Variants in PHACTR2 observed in about 807,000 individuals in gnomAD.
PHACTR2 encodes the protein chromosome 6 open reading frame 56.
Under a neutral mutation model 76.0 loss-of-function variants are expected in PHACTR2, and 30 were observed. The observed-to-expected ratio is 0.39, with a 90% CI of 0.30 to 0.54. PHACTR2 has a LOEUF of 0.54. Ranked by LOEUF, PHACTR2 falls within the 20% of genes least tolerant of loss-of-function variation. PHACTR2 has a pLI of 0.61. For synonymous variants in PHACTR2, 292 were observed against 292.5 expected, an observed-to-expected ratio of 1.00 and a Z score of 0.02; for missense variants, 696 against 781.1, an observed-to-expected ratio of 0.89 and a Z score of 1.30.
rs1373894506 is a variant in PHACTR2 at position 143,589,012 on chromosome 6, CT to C, written c.217+51806del. On this transcript the variant is annotated intron_variant, in intron 1 of 11. Coordinates refer to the PHACTR2 transcript ENST00000367584. This position sits in a 1 kb window ranked among gnomAD's most constrained non-coding sequence, Gnocchi z 4.4. ...TTCAACCTTCAAGGAACAAATCACT[CT>C]CATCGTATGAGTTTGCTAGAGCTGC... 2.0e-5 allele frequency among the ~76,000 whole-genome samples: 3 copies of C among 152,228 alleles called. 1 individual carries two copies. Among genetic ancestry groups the C allele is most frequent in the Admixed American group, 1.3e-4 (2 of 15,284 alleles).
At position 143,736,831 on chromosome 6, in the gene PHACTR2, C is replaced by T. The variant is rs187885461; in HGVS notation, c.215-12154C>T. ...CCTCGTGATCCGCCCGCCTCGGCCT[C>T]CCAAAGTGCTGGGATTACTGGCGTG... On this transcript the variant is annotated intron_variant, in intron 2 of 12. Transcript: ENST00000440869. 9.0e-4 allele frequency among the ~76,000 whole-genome samples: 137 copies of T among 151,832 alleles called. 1 individual carries two copies. Among genetic ancestry groups the T allele is most frequent in the South Asian group, 5.0e-3 (24 of 4,802 alleles).
upstream of PHACTR2, among the ~76,000 whole-genome samples, chr6:143,607,957 C>T (rs1319153986): frequency 6.6e-6 from 1 of 152,204 alleles, no homozygotes; most frequent in Non-Finnish European, 1.5e-5. Flanking sequence ...TTGGAAAGCT[C>T]TGTGTTTTGC....
chr6:143,782,645 G>C lies in PHACTR2; in HGVS notation c.1646-574G>C, dbSNP rs576813964. On this transcript the variant is annotated intron_variant, in intron 9 of 12. Transcript: ENST00000440869. The surrounding 1 kb of genome is among the most constrained non-coding windows in gnomAD (Gnocchi z 4.6). ...CCAGAGTACATCATAACCTCATTTA[G>C]AACATTCTGGTTTGAAAGCAAAGTC... is the stretch of plus-strand genomic sequence containing the variant. Among the ~76,000 whole-genome samples the C allele has an allele frequency of 6.6e-6, 1 of 152,254 alleles. No individual in the cohort carries two copies. The highest frequency in any genetic ancestry group is 2.1e-4 in the South Asian group (1 of 4,832).
intron 11 of PHACTR2, among the ~76,000 whole-genome samples, chr6:143,802,276 C>T (rs1405584459): frequency 6.6e-6 from 1 of 152,052 alleles, no homozygotes; most frequent in Non-Finnish European, 1.5e-5. Context: ...GGTTGTACAA[C>T]CCAGCACCAT....
At chr6:143,577,196 C>T (rs1241959383) in intron 1 of PHACTR2, among the ~76,000 whole-genome samples, 1 of 152,150 alleles carries the variant, frequency 6.6e-6, no homozygotes, top group Admixed American at 6.5e-5. Context: ...AGGGAAGATT[C>T]AGTCTTTTAA....
At position 143,690,299 on chromosome 6, in the gene PHACTR2, TCTGAGCCCA is replaced by T. The variant is rs1777615523; in HGVS notation, c.46+12094_46+12102del. ...CTCTTCCCATGTGGACTGGATTTTCTCTGAGCCCACTGTCCAGCTGTTGTCTTGGGATCT... is the reference window on the plus strand; with the variant it reads ...CTCTTCCCATGTGGACTGGATTTTCTCTGTCCAGCTGTTGTCTTGGGATCT... On this transcript the variant is annotated intron_variant, in intron 1 of 12. Transcript: ENST00000440869. Among the ~76,000 whole-genome samples, 2 of 152,234 alleles carry T rather than the reference TCTGAGCCCA, an allele frequency of 1.3e-5. 1 individual carries two copies. The highest frequency in any genetic ancestry group is 4.1e-4 in the South Asian group (2 of 4,830).
intron 1 of PHACTR2, among the ~76,000 whole-genome samples, chr6:143,567,464 T>A (rs1775379382): frequency 1.3e-5 from 2 of 152,206 alleles, no homozygotes; most frequent in Non-Finnish European, 2.9e-5. Flanking sequence ...AGTGGCATGA[T>A]CTCAGCTCAC....
intron 1 of PHACTR2, among the ~76,000 whole-genome samples, chr6:143,560,882 GGTGTGT>G (rs36070460): frequency 0.035 from 4,671 of 132,958 alleles, 91 homozygotes; most frequent in South Asian, 0.058. Flanking sequence ...AAAGCAGAGG[GGTGTGT>G]GTGTGTGTGT....
chr6:143,582,587 A>T (rs1157870747), intron 1 of PHACTR2, among the ~76,000 whole-genome samples: 1 of 152,214 alleles, frequency 6.6e-6, no homozygotes, highest in Non-Finnish European at 1.5e-5. Flanking sequence ...TTAAAAAAAA[A>T]ACTTGGGAAC....
In PHACTR2 at chr6:143,616,041, G is replaced by A. The variant is rs142369199; in HGVS notation, c.13+7719G>A. Among the ~76,000 whole-genome samples the A allele has an allele frequency of 3.9e-5, 6 of 152,288 alleles. No homozygotes were observed. The East Asian group carries it at 1.2e-3, about 29-fold the overall frequency. On this transcript the variant is annotated intron_variant, in intron 1 of 11. Coordinates refer to the PHACTR2 transcript ENST00000305766. The surrounding 1 kb of genome is among the most constrained non-coding windows in gnomAD (Gnocchi z 4.9). ...CATAGTTTCAAAGTTTCAGTTTCAG[G>A]TTTCAGAGCTATGGTTTCAAAGTTT...
rs1443559244 is a variant in PHACTR2, at chr6:143,787,930, G to A, written c.1708-843G>A. 6.6e-6 allele frequency among the ~76,000 whole-genome samples: 1 copy of A among 152,112 alleles called. No homozygotes were observed. The highest frequency in any genetic ancestry group is 1.5e-5 in the Non-Finnish European group (1 of 68,036). Reference sequence around the variant, plus strand: ...ACTGTGATACCACCCAACTAAGAAAGACCAAAATGGGAGTGAACCTCCGTA... The same window carrying A: ...ACTGTGATACCACCCAACTAAGAAAAACCAAAATGGGAGTGAACCTCCGTA... On this transcript the variant is annotated intron_variant, in intron 10 of 12. Coordinates refer to ENST00000440869, the MANE Select transcript of PHACTR2 (RefSeq NM_001100164.2). This position sits in a 1 kb window ranked among gnomAD's most constrained non-coding sequence, Gnocchi z 4.6.
chr6:143,789,980 C>T lies in PHACTR2; in HGVS notation c.1845+1070C>T, dbSNP rs756119656. On this transcript the variant is annotated intron_variant, in intron 11 of 12. Coordinates refer to ENST00000440869, the MANE Select transcript of PHACTR2 (RefSeq NM_001100164.2). The surrounding 1 kb of genome is among the most constrained non-coding windows in gnomAD (Gnocchi z 5.1). ...CAGAAGAATATTGAGAAGAAATGTC[C>T]GTGAAGTGGGGAAAGAGGAGAAGCT... Among the ~76,000 whole-genome samples the T allele has an allele frequency of 1.6e-4, 24 of 152,032 alleles. No individual in the cohort carries two copies. The highest frequency in any genetic ancestry group is 3.4e-4 in the African/African-American group (14 of 41,386).
At chr6:143,676,044 C>G (rs562523374), upstream of PHACTR2, among the ~76,000 whole-genome samples, 1 of 152,244 alleles carries the variant, frequency 6.6e-6, no homozygotes, top group East Asian at 1.9e-4. The surrounding 1 kb of genome is among the most constrained non-coding windows in gnomAD (Gnocchi z 4.8). Flanking sequence ...CTCTAGAAAC[C>G]AAGAACAAGA....
intron 1 of PHACTR2, among the ~76,000 whole-genome samples, chr6:143,551,289 A>G (rs1266914963): frequency 6.7e-6 from 1 of 149,786 alleles, no homozygotes; most frequent in Non-Finnish European, 1.5e-5. Flanking sequence ...ATACATACCT[A>G]TGATAGAGTT....
intron 1 of PHACTR2, among the ~76,000 whole-genome samples, chr6:143,563,551 CAAAA>C (rs76587878): frequency 6.7e-5 from 2 of 29,950 alleles, no homozygotes; most frequent in Admixed American, 3.5e-4. Flanking sequence ...AACTCCGTCT[CAAAA>C]AAAAAAAAAA....
rs1777886130 is a variant in PHACTR2, at chr6:143,700,575, G to A, written c.47-11441G>A. Among the ~76,000 whole-genome samples the A allele has an allele frequency of 6.6e-6, 1 of 152,022 alleles. No homozygotes were observed. The highest frequency in any genetic ancestry group is 1.5e-5 in the Non-Finnish European group (1 of 67,996). ...TTGATTGGGGGCAGTGGGGAGGGGGGGCGAGAGGAGAACTGTGATATTTCA... is the reference window on the plus strand; with the variant it reads ...TTGATTGGGGGCAGTGGGGAGGGGGAGCGAGAGGAGAACTGTGATATTTCA... On this transcript the variant is annotated intron_variant, in intron 1 of 12. Transcript: ENST00000440869. This position sits in a 1 kb window ranked among gnomAD's most constrained non-coding sequence, Gnocchi z 4.1.
At position 143,648,477 on chromosome 6, in the gene PHACTR2, C is replaced by T. The variant is rs1776697292; in HGVS notation, c.13+40155C>T. On this transcript the variant is annotated intron_variant, in intron 1 of 11. Transcript: ENST00000305766. This position sits in a 1 kb window ranked among gnomAD's most constrained non-coding sequence, Gnocchi z 6.7. Reference sequence around the variant, plus strand: ...GGAGGGGGGGACGAGGAGGAACAGACCAAACAAAGCATGGCTGATAGAAAG... The same window carrying T: ...GGAGGGGGGGACGAGGAGGAACAGATCAAACAAAGCATGGCTGATAGAAAG... 6.6e-6 allele frequency among the ~76,000 whole-genome samples: 1 copy of T among 152,092 alleles called. No individual in the cohort carries two copies. Among genetic ancestry groups the T allele is most frequent in the Admixed American group, 6.6e-5 (1 of 15,258 alleles).
At chr6:143,544,615 G>T (rs1471636616) in intron 1 of PHACTR2, among the ~76,000 whole-genome samples, 1 of 152,196 alleles carries the variant, frequency 6.6e-6, no homozygotes, top group Non-Finnish European at 1.5e-5. Context: ...TGTAAGTGGT[G>T]GCACCTTCGC....
upstream of PHACTR2, among the ~76,000 whole-genome samples, chr6:143,673,341 T>G (rs1426664459): frequency 1.3e-5 from 2 of 150,564 alleles, no homozygotes; most frequent in African/African-American, 2.4e-5. Context: ...TTTTTTTTTG[T>G]CCATACTTGG....
Sources: gnomAD v4.1 joint callset for allele counts (sites outside exome capture counted in the v4.1 genomes callset) on GRCh38, gnomAD v4.1.1 for gene constraint, Gnocchi (gnomAD v3.1) non-coding constraint, MANE v1.5 for transcripts, NCBI Gene and HGNC (gene_info 2026-07-23, HGNC 2026-07-21) for gene names.